The following NSG1 variants were observed in gnomAD, a reference collection of about 807,000 sequenced individuals.
The protein encoded by NSG1 is neuronal vesicle trafficking-associated protein 1.
Under a neutral mutation model 19.3 loss-of-function variants are expected in NSG1, and 9 were observed. The observed-to-expected ratio is 0.47, with a 90% CI of 0.28 to 0.81. The LOEUF is 0.81. Ranked by LOEUF, NSG1 falls within the 40% of genes least tolerant of loss-of-function variation. NSG1 has a pLI of 0.11. For synonymous variants in NSG1, 104 were observed against 107.0 expected, an observed-to-expected ratio of 0.97 and a Z score of 0.17; for missense variants, 236 against 242.4, an observed-to-expected ratio of 0.97 and a Z score of 0.18.
At chr4:4,398,155 A>G (rs1170598829) in intron 3 of NSG1, among the ~76,000 whole-genome samples, 2 of 152,048 alleles carry the variant, frequency 1.3e-5, no homozygotes, top group East Asian at 1.9e-4. Context: ...GGGTTTCACT[A>G]TCTTGGCCAG....
intron 3 of NSG1, among the ~76,000 whole-genome samples, chr4:4,396,748 C>T (rs564206260): frequency 2.2e-5 from 3 of 135,950 alleles, no homozygotes; most frequent in African/African-American, 8.8e-5. Flanking sequence ...GAGCTTCCTG[C>T]GTGCGCATCT....
chr4:4,412,259 C>T (rs1021043538), intron 4 of NSG1, among the ~76,000 whole-genome samples: 1 of 152,046 alleles, frequency 6.6e-6, no homozygotes, highest in East Asian at 1.9e-4. Context: ...GCCCAAGTCC[C>T]GCTGGATACC....
intron 2 of NSG1, 145 bp downstream of exon 2, chr4:4,387,903 G>C: frequency 1.5e-6 from 1 of 686,300 alleles, no homozygotes; most frequent in South Asian, 1.8e-5. Context: ...GGCGAGGACA[G>C]TGTACCCGCG....
intron 3 of NSG1, among the ~76,000 whole-genome samples, chr4:4,397,535 C>T (rs918540867): frequency 9.8e-5 from 15 of 152,324 alleles, no homozygotes; most frequent in African/African-American, 1.4e-4. Context: ...AGAGGGCAGA[C>T]GGGAGCACAG....
chr4:4,389,390 C>T (rs1237918480), intron 2 of NSG1, among the ~76,000 whole-genome samples: 7 of 152,240 alleles, frequency 4.6e-5, no homozygotes, highest in Non-Finnish European at 1.5e-5. Flanking sequence ...GCCAGACCTT[C>T]CATCCCGGAC....
At position 4,414,847 on chromosome 4, in the gene NSG1, T is replaced by C. The variant is rs562695127; in HGVS notation, c.358-2388T>C. On this transcript the variant is annotated intron_variant, in intron 4 of 4. Transcript: ENST00000621129. ...CAGGCAGTGGGGAGGGGACAGGCTTTTTCTGGACAGCCACTCCCAGTGGCC... is the reference window on the plus strand; with the variant it reads ...CAGGCAGTGGGGAGGGGACAGGCTTCTTCTGGACAGCCACTCCCAGTGGCC... 3.0e-3 allele frequency among the ~76,000 whole-genome samples: 459 copies of C among 152,096 alleles called. 4 individuals carry two copies. The highest frequency in any genetic ancestry group is 0.011 in the African/African-American group (437 of 41,492).
intron 2 of NSG1, 70 bp downstream of exon 2, chr4:4,387,828 A>C: frequency 1.5e-5 from 19 of 1,296,418 alleles, no homozygotes; most frequent in Non-Finnish European, 1.9e-5. Context: ...GGCGCAACAA[A>C]AGAAACGCGC....
chr4:4,392,906 G>A (rs1723071406), intron 3 of NSG1, among the ~76,000 whole-genome samples: 2 of 152,114 alleles, frequency 1.3e-5, no homozygotes, highest in African/African-American at 4.8e-5. Context: ...GGCTCTTTTG[G>A]TGGCTCCTGG....
chr4:4,417,492 G>A lies in NSG1; in HGVS notation c.*57G>A, dbSNP rs1164414662. On this transcript the variant is annotated 3_prime_UTR_variant, in exon 5 of 5. Transcript: ENST00000621129. ...TTGCAAATAACAAAGGGACTTTGAG[G>A]GACATTTCATTAAATATAATTACTG... is the stretch of plus-strand genomic sequence containing the variant. 1 of 1,490,610 alleles carries A rather than the reference G, an allele frequency of 6.7e-7. No individual in the cohort carries two copies. The highest frequency in any genetic ancestry group is 9.3e-7 in the Non-Finnish European group (1 of 1,070,534). 92.3% of individuals were successfully genotyped at this position (1,490,610 alleles called of 1,614,324 possible). A position where few individuals can be genotyped will look rare whatever the true frequency, so the allele number is the denominator to read the frequency against.
At chr4:4,388,048 G>GGCCCCGCAGCTGCCCTGCTCCTCCCTT (rs143176446) in intron 2 of NSG1, among the ~76,000 whole-genome samples, 34,551 of 151,702 alleles carry the variant, frequency 0.23, 4,309 homozygotes, top group East Asian at 0.31. Flanking sequence ...AGAGGGCCCT[G>GGCCCCGCAGCTGCCCTGCTCCTCCCTT]GCCCCGCAGC....
At chr4:4,402,683 C>T (rs1300507133) in intron 3 of NSG1, among the ~76,000 whole-genome samples, 3 of 152,330 alleles carry the variant, frequency 2.0e-5, no homozygotes, top group Middle Eastern at 6.8e-3. Context: ...CCATGGTGCC[C>T]GGCCTTTCTC....
chr4:4,387,887 G>C (rs1032799534), intron 2 of NSG1, 129 bp downstream of exon 2: 2 of 768,250 alleles, frequency 2.6e-6, no homozygotes, highest in African/African-American at 3.5e-5. Flanking sequence ...AGGCCGGAGG[G>C]AGCGCGGCGA....
intron 3 of NSG1, among the ~76,000 whole-genome samples, chr4:4,397,919 G>A (rs963703531): frequency 2.0e-5 from 3 of 151,954 alleles, no homozygotes; most frequent in African/African-American, 7.3e-5. Context: ...CCAGCCTCCC[G>A]CCTCTCTCCT....
chr4:4,402,368 GTTATTTTTTTTTTT>G (rs1723597249), intron 3 of NSG1, among the ~76,000 whole-genome samples: 1 of 99,604 alleles, frequency 1.0e-5, no homozygotes, highest in African/African-American at 4.2e-5. Flanking sequence ...ACCACGCCTG[GTTATTTTTTTTTTT>G]TTTTTTTTTT....
chr4:4,402,451 G>C (rs1172643851), intron 3 of NSG1, among the ~76,000 whole-genome samples: 6 of 145,350 alleles, frequency 4.1e-5, no homozygotes, highest in Admixed American at 2.1e-4. Flanking sequence ...GCAGTGGCGG[G>C]ATCTCGGCTC....
intron 3 of NSG1, among the ~76,000 whole-genome samples, chr4:4,406,355 C>T (rs1723856805): frequency 6.6e-6 from 1 of 152,204 alleles, no homozygotes; most frequent in African/African-American, 2.4e-5. Context: ...AGGACATCTG[C>T]ACCTGTGGTG....
At chr4:4,397,398 C>CAG (rs1723310541) in intron 3 of NSG1, among the ~76,000 whole-genome samples, 1 of 152,190 alleles carries the variant, frequency 6.6e-6, no homozygotes, top group Non-Finnish European at 1.5e-5. Context: ...GGTTAAGGAA[C>CAG]AGACCCAAGG....
At chr4:4,396,861 G>A (rs1180803486) in intron 3 of NSG1, among the ~76,000 whole-genome samples, 1 of 152,058 alleles carries the variant, frequency 6.6e-6, no homozygotes, top group East Asian at 1.9e-4. Context: ...GTGGGGGTGG[G>A]GGTTCTTCCC....
intron 3 of NSG1, among the ~76,000 whole-genome samples, chr4:4,398,450 C>A (rs1473199742): frequency 6.6e-6 from 1 of 152,108 alleles, no homozygotes; most frequent in African/African-American, 2.4e-5. Flanking sequence ...CCCATGCCCC[C>A]CCCCACAGCC....
Sources: allele counts gnomAD v4.1 joint callset (sites outside exome capture counted in the v4.1 genomes callset), GRCh38; gene constraint gnomAD v4.1.1; transcripts MANE v1.5; gene names NCBI Gene and HGNC (gene_info 2026-07-23, HGNC 2026-07-21).